The following PEPD variants were observed in gnomAD, a reference collection of about 807,000 sequenced individuals.
PEPD encodes xaa-Pro dipeptidase.
PEPD carries 53 observed loss-of-function variants against 60.7 expected under a neutral mutation model. The observed-to-expected ratio is 0.87, with a 90% CI of 0.70 to 1.10. The LOEUF (loss-of-function observed/expected upper bound fraction) is 1.10, where lower values mean the gene tolerates loss of function less well. Ranked by LOEUF, PEPD falls within the 50% of genes least tolerant of loss-of-function variation. PEPD has a pLI of 0.00. For synonymous variants in PEPD, 267 were observed against 284.1 expected (o/e 0.94, Z 0.60); for missense variants, 711 against 711.9 (o/e 1.00, Z 0.01).
At chr19:33,503,355 G>T (rs1970745524) in intron 3 of PEPD, among the ~76,000 whole-genome samples, 1 of 152,194 alleles carries the variant, frequency 6.6e-6, no homozygotes, top group East Asian at 1.9e-4. Context: ...GGGGTATCAA[G>T]CTCCTGCTGT....
At chr19:33,443,826 G>A (rs372471011) in intron 9 of PEPD, among the ~76,000 whole-genome samples, 1 of 152,250 alleles carries the variant, frequency 6.6e-6, no homozygotes, top group African/African-American at 2.4e-5. Context: ...GGCAGGGAGG[G>A]TGAGAAGAGT....
chr19:33,406,589 G>A (rs1968630138), intron 11 of PEPD, among the ~76,000 whole-genome samples: 1 of 152,248 alleles, frequency 6.6e-6, no homozygotes, highest in Non-Finnish European at 1.5e-5. Flanking sequence ...GCAGAGAGCA[G>A]GCCTGGGGGC....
intron 13 of PEPD, among the ~76,000 whole-genome samples, chr19:33,389,693 GGTTT>G (rs1420705319): frequency 1.3e-5 from 2 of 152,238 alleles, no homozygotes; most frequent in African/African-American, 2.4e-5. Flanking sequence ...TTGAGGGGCA[GGTTT>G]GTTTCCCCAG....
intron 9 of PEPD, among the ~76,000 whole-genome samples, chr19:33,422,307 T>C (rs970076282): frequency 6.6e-6 from 1 of 152,126 alleles, no homozygotes; most frequent in Non-Finnish European, 1.5e-5. Context: ...CTCACCACCA[T>C]CTGACATGTT....
At chr19:33,446,869 C>T (rs1969604010) in intron 9 of PEPD, among the ~76,000 whole-genome samples, 1 of 152,230 alleles carries the variant, frequency 6.6e-6, no homozygotes, top group East Asian at 1.9e-4. Context: ...CATCAGCAGG[C>T]CCCACGAAGG....
intron 9 of PEPD, among the ~76,000 whole-genome samples, chr19:33,419,188 G>C (rs1968956855): frequency 1.3e-5 from 2 of 152,090 alleles, no homozygotes; most frequent in Non-Finnish European, 2.9e-5. Context: ...GGGCTTGCAT[G>C]GACCATCTCC....
rs553285410 is a variant in PEPD at position 33,441,310 on chromosome 19, A to G, written c.671+21685T>C. 3.1e-3 allele frequency among the ~76,000 whole-genome samples: 467 copies of G among 152,298 alleles called. 3 individuals carry two copies. The highest frequency in any genetic ancestry group is 2.8e-3 in the Non-Finnish European group (189 of 68,030). On this transcript the variant is annotated intron_variant, in intron 9 of 14. Coordinates refer to ENST00000244137, the MANE Select transcript of PEPD (RefSeq NM_000285.4). ...GGGACCACCTGGGAACGGTTGCCACATGCACCTCATTACAACACCAACACG... is the reference window on the plus strand; with the variant it reads ...GGGACCACCTGGGAACGGTTGCCACGTGCACCTCATTACAACACCAACACG...
chr19:33,485,398 C>T (rs999465677), intron 6 of PEPD, among the ~76,000 whole-genome samples: 4 of 148,618 alleles, frequency 2.7e-5, no homozygotes, highest in African/African-American at 7.5e-5. Context: ...GAGGCTGAGG[C>T]GGAAGAATCA....
At chr19:33,515,321 C>A (rs376929329) in intron 1 of PEPD, among the ~76,000 whole-genome samples, 1 of 152,118 alleles carries the variant, frequency 6.6e-6, no homozygotes, top group Non-Finnish European at 1.5e-5. Flanking sequence ...ACTAGAGCCC[C>A]GCCCGCTCCC....
intron 9 of PEPD, among the ~76,000 whole-genome samples, chr19:33,457,838 AAAAC>A (rs1434411676): frequency 7.3e-6 from 1 of 137,816 alleles, no homozygotes; most frequent in Non-Finnish European, 1.6e-5. Context: ...TTAAAACAAG[AAAAC>A]AAACAAACAA....
intron 11 of PEPD, among the ~76,000 whole-genome samples, chr19:33,408,515 G>T (rs1240881951): frequency 6.6e-6 from 1 of 152,224 alleles, no homozygotes; most frequent in Non-Finnish European, 1.5e-5. Flanking sequence ...TGGGACTGTG[G>T]AGAGAGGGAT....
At chr19:33,444,681 C>A (rs573354008) in intron 9 of PEPD, among the ~76,000 whole-genome samples, 8 of 151,528 alleles carry the variant, frequency 5.3e-5, no homozygotes, top group Non-Finnish European at 1.0e-4. Flanking sequence ...CAGCCACCTC[C>A]GTCCACTCAC....
chr19:33,400,896 C>T (rs968434258), intron 12 of PEPD, among the ~76,000 whole-genome samples: 17 of 152,306 alleles, frequency 1.1e-4, no homozygotes, highest in Admixed American at 6.5e-5. Context: ...AGGGGTCACT[C>T]GGCAGGAGGC....
Position 33,391,455 on chromosome 19 carries a change from C to A in PEPD, c.992G>T (p.Arg331Leu), listed in dbSNP as rs1436135867. ...CTCCAGGTGGATGCGGTCAGCCAGG[C>A]GGTGCATGTCAGGCCACCAGACACC... The part of the protein sequence containing the change: ...KPGVWWPDMH[R>L]LADRIHLEEL... The change falls in exon 13 of 15, where the codon CGC becomes CTC. Residue 331 changes from arginine to leucine, a missense_variant. By Grantham distance (102) the Arg-to-Leu change is moderately radical. Coordinates refer to ENST00000244137, the MANE Select transcript of PEPD (RefSeq NM_000285.4). 1.3e-6 allele frequency: 2 copies of A among 1,552,974 alleles called. No homozygotes were observed. Among genetic ancestry groups the A allele is most frequent in the Middle Eastern group, 1.8e-4 (1 of 5,572 alleles).
intron 3 of PEPD, among the ~76,000 whole-genome samples, chr19:33,506,143 A>G (rs1472254220): frequency 1.7e-4 from 23 of 137,862 alleles, no homozygotes; most frequent in Non-Finnish European, 2.9e-4. Context: ...CACACACAAC[A>G]CAGCACATTC....
At chr19:33,422,106 T>C (rs1335359716) in intron 9 of PEPD, among the ~76,000 whole-genome samples, 2 of 152,100 alleles carry the variant, frequency 1.3e-5, no homozygotes, top group Non-Finnish European at 2.9e-5. Context: ...GTCTTCTTAG[T>C]CGAACTCCGC....
intron 12 of PEPD, 95 bp from the exon 13 acceptor site, chr19:33,391,574 TGGTG>T: frequency 8.6e-7 from 1 of 1,161,702 alleles, no homozygotes; most frequent in East Asian, 2.5e-5. Flanking sequence ...ACACTGGCTG[TGGTG>T]GGAGGGCCTG....
intron 9 of PEPD, among the ~76,000 whole-genome samples, chr19:33,418,321 G>C (rs994852549): frequency 1.8e-4 from 28 of 152,198 alleles, no homozygotes; most frequent in Non-Finnish European, 1.6e-4. Context: ...CAGAGTAAGG[G>C]CCATACAGTC....
chr19:33,431,860 G>A (rs1039553340), intron 9 of PEPD, among the ~76,000 whole-genome samples: 37 of 152,124 alleles, frequency 2.4e-4, no homozygotes, highest in African/African-American at 2.9e-4. Context: ...AGGTGTGGTG[G>A]CAAATGCCTG....
Sources: allele counts gnomAD v4.1 joint callset (sites outside exome capture counted in the v4.1 genomes callset), GRCh38; gene constraint gnomAD v4.1.1; transcripts MANE v1.5; gene names NCBI Gene and HGNC (gene_info 2026-07-23, HGNC 2026-07-21).